Variants in NT5E observed in about 807,000 individuals in gnomAD.
NT5E encodes the protein 5'-nucleotidase.
In NT5E, 53 loss-of-function variants were observed where a neutral mutation model predicts 55.1. The ratio of observed to expected loss-of-function variants is 0.96; its 90% CI spans 0.77 to 1.21. The LOEUF (loss-of-function observed/expected upper bound fraction) is 1.21, where lower values mean the gene tolerates loss of function less well. NT5E is among the 50% of genes most tolerant of loss of function. The pLI is 0.00. For synonymous variants in NT5E, 270 were observed against 278.4 expected (o/e 0.97, Z 0.30); for missense variants, 683 against 724.3 (o/e 0.94, Z 0.65).
At chr6:85,455,536 C>T (rs1305732381) in intron 1 of NT5E, among the ~76,000 whole-genome samples, 1 of 152,210 alleles carries the variant, frequency 6.6e-6, no homozygotes, top group African/African-American at 2.4e-5. Context: ...TTGGCCTATC[C>T]ATTCTTCACT....
chr6:85,490,987 T>C, intron 7 of NT5E: 1 of 472,260 alleles, frequency 2.1e-6, no homozygotes, highest in South Asian at 1.7e-5. Flanking sequence ...ATTTTTTTTT[T>C]AAATCCTCTC....
Position 85,487,365 on chromosome 6 carries a change from G to T in NT5E, c.980G>T (p.Trp327Leu). The T allele has an allele frequency of 6.2e-7, 1 of 1,613,578 alleles. No homozygotes were observed. Among genetic ancestry groups the T allele is most frequent in the South Asian group, 1.1e-5 (1 of 91,062 alleles). ...AGCATAAAAGCAGACATTAACAAAT[G>T]GAGGATAAAATTGGATAATTATTCT... Reference protein sequence around the residue: ...DPSIKADINKWRIKLDNYSTQ... With the variant: ...DPSIKADINKLRIKLDNYSTQ... Residue 327 changes from tryptophan (W) to leucine (L), a missense_variant, in exon 5 of 9, where the codon TGG (tryptophan) becomes TTG (leucine). Trp to Leu is a moderately conservative substitution (Grantham distance 61). Coordinates refer to ENST00000257770, the MANE Select transcript of NT5E (RefSeq NM_002526.4).
chr6:85,450,441 T>G lies in NT5E; in HGVS notation c.302T>G (p.Val101Gly), dbSNP rs1582363970. 6.2e-7 allele frequency: 1 copy of G among 1,601,474 alleles called. No individual in the cohort carries two copies. Among genetic ancestry groups the G allele is most frequent in the Non-Finnish European group, 8.5e-7 (1 of 1,175,262 alleles). ...TTCACCGTGTACAAGGGCGCCGAGG[T>G]GGCGCACTTCATGAACGCCCTGCGC... ...IWFTVYKGAEVAHFMNALRYD... is the reference protein window; with the variant it reads ...IWFTVYKGAEGAHFMNALRYD... The change falls in exon 1 of 9, where the codon GTG (valine) becomes GGG (glycine). Residue 101 changes from valine to glycine, a missense_variant. By Grantham distance (109) the Val-to-Gly change is moderately radical. Transcript: ENST00000257770. The surrounding 1 kb of genome is among the most constrained non-coding windows in gnomAD (Gnocchi z 4.0).
chr6:85,481,644 G>T (rs1769553954), intron 3 of NT5E, among the ~76,000 whole-genome samples: 1 of 152,186 alleles, frequency 6.6e-6, no homozygotes, highest in South Asian at 2.1e-4. Flanking sequence ...TACTCCATAA[G>T]GTTCCTGGGC....
rs1768830954 is a variant in NT5E, at chr6:85,450,413, T to C, written c.274T>C (p.Trp92Arg). The C allele has an allele frequency of 6.2e-7, 1 of 1,603,514 alleles. No homozygotes were observed. The change falls in exon 1 of 9, where the codon TGG (tryptophan) becomes CGG (arginine). Residue 92 changes from tryptophan (W) to arginine (R), a missense_variant. Physicochemically the swap from Trp to Arg is moderately radical, Grantham distance 101. Coordinates refer to ENST00000257770, the MANE Select transcript of NT5E (RefSeq NM_002526.4). This position sits in a 1 kb window ranked among gnomAD's most constrained non-coding sequence, Gnocchi z 4.0. ...CGGCGACCAGTACCAGGGCACTATC[T>C]GGTTCACCGTGTACAAGGGCGCCGA... ...DAGDQYQGTI[W>R]FTVYKGAEVA...
rs369010777 is a variant in NT5E, at chr6:85,450,280, C to G, written c.141C>G (p.Asp47Glu). ...VHSRLEQTSEDSSKCVNASRC... is the reference protein window; with the variant it reads ...VHSRLEQTSEESSKCVNASRC... The stretch of plus-strand genomic sequence containing the variant: ...GCCGGCTGGAGCAGACCAGCGAGGA[C>G]TCCAGCAAGTGCGTCAACGCCAGCC... The change falls in exon 1 of 9, where the codon GAC becomes GAG. Residue 47 changes from aspartate (D) to glutamate (E), a missense_variant. By Grantham distance (45) the Asp-to-Glu change is conservative. Coordinates refer to ENST00000257770, the MANE Select transcript of NT5E (RefSeq NM_002526.4). The surrounding 1 kb of genome is among the most constrained non-coding windows in gnomAD (Gnocchi z 4.0). 5.2e-5 allele frequency: 83 copies of G among 1,608,592 alleles called. No homozygotes were observed. In the East Asian group the frequency reaches 1.8e-3, roughly 35 times the overall value.
chr6:85,487,447 C>A lies in NT5E; in HGVS notation c.1062C>A (p.Arg354=), dbSNP rs1349418992. The change falls in exon 5 of 9, where the codon CGC becomes CGA. Residue 354 remains arginine, a synonymous_variant. Transcript: ENST00000257770. ...TGGATGGCTCCTCTCAATCATGCCG[C>A]TTTAGAGAATGCAACATGGGCAACC... ...VYLDGSSQSC[R]FRECNMGNLI... The A allele has an allele frequency of 6.2e-7, 1 of 1,614,126 alleles. No homozygotes were observed. Among genetic ancestry groups the A allele is most frequent in the African/African-American group, 1.3e-5 (1 of 75,030 alleles).
intron 3 of NT5E, among the ~76,000 whole-genome samples, chr6:85,476,157 C>A (rs889373637): frequency 6.6e-6 from 1 of 152,164 alleles, no homozygotes; most frequent in Admixed American, 6.5e-5. Context: ...GGTAGTTGAT[C>A]CAATACCCCA....
chr6:85,483,273 C>T (rs1315986553), intron 3 of NT5E, among the ~76,000 whole-genome samples: 1 of 152,220 alleles, frequency 6.6e-6, no homozygotes, highest in Non-Finnish European at 1.5e-5. Context: ...TCTCCGCCAC[C>T]TTGTGGACAT....
chr6:85,467,322 A>G, intron 2 of NT5E, 40 bp downstream of exon 2: 1 of 1,515,852 alleles, frequency 6.6e-7, no homozygotes, highest in Non-Finnish European at 9.2e-7. Flanking sequence ...TTGAAAATAG[A>G]TGCCCTAAAT....
At chr6:85,471,530 A>AC in intron 3 of NT5E, 105 bp downstream of exon 3, 1 of 771,250 alleles carries the variant, frequency 1.3e-6, no homozygotes, top group Non-Finnish European at 2.1e-6. Context: ...TTTAATATGT[A>AC]ATGTATATTA....
At chr6:85,452,539 G>T (rs1403375047) in intron 1 of NT5E, among the ~76,000 whole-genome samples, 1 of 152,152 alleles carries the variant, frequency 6.6e-6, no homozygotes, top group South Asian at 2.1e-4. Context: ...ATTGGGTTCT[G>T]AGGAAAAATA....
intron 3 of NT5E, among the ~76,000 whole-genome samples, chr6:85,480,240 A>G (rs575203326): frequency 6.6e-6 from 1 of 152,280 alleles, no homozygotes; most frequent in East Asian, 1.9e-4. Context: ...CTTTGTGCCC[A>G]CTCTGTATAC....
intron 3 of NT5E, among the ~76,000 whole-genome samples, chr6:85,484,437 G>T (rs1247035699): frequency 6.6e-6 from 1 of 152,142 alleles, no homozygotes; most frequent in Admixed American, 6.5e-5. Context: ...TCCAGGCAGT[G>T]GTGGGCCTCC....
intron 3 of NT5E, among the ~76,000 whole-genome samples, chr6:85,482,518 A>G (rs1009871129): frequency 1.3e-5 from 2 of 152,216 alleles, no homozygotes; most frequent in Admixed American, 1.3e-4. Flanking sequence ...ACTTAGGTTC[A>G]CCACAGTCCT....
chr6:85,481,624 A>G (rs1026145968), intron 3 of NT5E, among the ~76,000 whole-genome samples: 1 of 152,222 alleles, frequency 6.6e-6, no homozygotes, highest in Non-Finnish European at 1.5e-5. Context: ...CTCTGGCTTC[A>G]GAAGCTCTTT....
At chr6:85,473,340 T>C (rs977172909) in intron 3 of NT5E, among the ~76,000 whole-genome samples, 11 of 152,180 alleles carry the variant, frequency 7.2e-5, no homozygotes, top group Admixed American at 5.2e-4. Context: ...AATGAATGTA[T>C]AGGTAAATGG....
In NT5E at chr6:85,450,986, G is replaced by A. The variant is rs1375134581; in HGVS notation, c.339+508G>A. 3.3e-5 allele frequency among the ~76,000 whole-genome samples: 5 copies of A among 152,214 alleles called. No individual in the cohort carries two copies. Among genetic ancestry groups the A allele is most frequent in the African/African-American group, 1.2e-4 (5 of 41,450 alleles). On this transcript the variant is annotated intron_variant, in intron 1 of 8. Transcript: ENST00000257770. This position sits in a 1 kb window ranked among gnomAD's most constrained non-coding sequence, Gnocchi z 4.0. The stretch of plus-strand genomic sequence containing the variant: ...ATGGACACCAGATCTCTTTGACCCC[G>A]GAGCTTGAGAGTAATTAAGCTCACA...
intron 1 of NT5E, among the ~76,000 whole-genome samples, chr6:85,457,903 G>C (rs1404118033): frequency 6.6e-6 from 1 of 152,180 alleles, no homozygotes; most frequent in African/African-American, 2.4e-5. Context: ...CTATAAAGGA[G>C]AGAGGTTAAA....
Sources: allele counts gnomAD v4.1 joint callset (sites outside exome capture counted in the v4.1 genomes callset), GRCh38; gene constraint gnomAD v4.1.1; non-coding constraint Gnocchi (gnomAD v3.1); transcripts MANE v1.5; gene names NCBI Gene and HGNC (gene_info 2026-07-23, HGNC 2026-07-21).